The following INPP5A variants were observed in gnomAD, a reference collection of about 807,000 sequenced individuals.
The protein encoded by INPP5A is inositol polyphosphate-5-phosphatase A.
In INPP5A, 14 loss-of-function variants were observed where a neutral mutation model predicts 65.2. The observed-to-expected ratio is 0.21, with a 90% CI of 0.14 to 0.34. The LOEUF (loss-of-function observed/expected upper bound fraction) is 0.34, where lower values mean the gene tolerates loss of function less well. Among genes scored for constraint, INPP5A ranks in the 10% least tolerant of loss-of-function variants. The pLI is 1.00. For missense variants in INPP5A, 431 were observed against 545.6 expected (o/e 0.79, Z 2.09); for synonymous variants, 207 against 208.3 (o/e 0.99, Z 0.05).
chr10:132,537,914 A>C lies in INPP5A; in HGVS notation c.-183A>C. The C allele has an allele frequency of 1.4e-5, 3 of 207,396 alleles. No individual in the cohort carries two copies. The highest frequency in any genetic ancestry group is 6.1e-5 in the Admixed American group (1 of 16,330). 12.8% of individuals were successfully genotyped at this position (207,396 alleles called of 1,614,324 possible). On this transcript the variant is annotated 5_prime_UTR_variant, in exon 1 of 16. Transcript: ENST00000368594. The stretch of plus-strand genomic sequence containing the variant: ...GGGGCCGCGGAGCAGCGAGCGAGCG[A>C]GCGAGCGCGAGGCCGGAGCCCCGGC...
chr10:132,596,178 G>C (rs1564928445), intron 1 of INPP5A, among the ~76,000 whole-genome samples: 1 of 152,168 alleles, frequency 6.6e-6, no homozygotes, highest in East Asian at 1.9e-4. Context: ...TCCTGGGAAA[G>C]GGTTCAGTCT....
chr10:132,557,800 G>A (rs4880267), intron 1 of INPP5A, among the ~76,000 whole-genome samples: 29,927 of 152,144 alleles, frequency 0.2, 3,915 homozygotes, highest in East Asian at 0.44. Context: ...GGGCCTGGGC[G>A]GGGAGGGCCA....
intron 5 of INPP5A, among the ~76,000 whole-genome samples, chr10:132,694,095 C>G (rs1845310183): frequency 6.6e-6 from 1 of 152,186 alleles, no homozygotes. Flanking sequence ...TCAAGCTCGC[C>G]TGGAACATTC....
At chr10:132,747,692 A>G (rs931241990) in intron 9 of INPP5A, among the ~76,000 whole-genome samples, 1 of 152,238 alleles carries the variant, frequency 6.6e-6, no homozygotes, top group Non-Finnish European at 1.5e-5. Context: ...TTTTAAAGCC[A>G]AAGTTACTTT....
chr10:132,723,158 G>A (rs1845916963), intron 8 of INPP5A, among the ~76,000 whole-genome samples: 1 of 152,224 alleles, frequency 6.6e-6, no homozygotes, highest in Non-Finnish European at 1.5e-5. Context: ...ACGATGACGC[G>A]GCGTCTCCAG....
At chr10:132,685,719 C>G (rs193240359) in intron 4 of INPP5A, among the ~76,000 whole-genome samples, 165 of 152,326 alleles carry the variant, frequency 1.1e-3, no homozygotes, top group African/African-American at 3.8e-3. Context: ...GGAGGTGGGA[C>G]CCTGCTCAAC....
At chr10:132,714,419 G>A (rs1329368998) in intron 8 of INPP5A, among the ~76,000 whole-genome samples, 1 of 152,222 alleles carries the variant, frequency 6.6e-6, no homozygotes, top group Non-Finnish European at 1.5e-5. Context: ...AATGCCGCGC[G>A]GCCTCTGAAT....
chr10:132,741,937 A>G lies in INPP5A; in HGVS notation c.733-7580A>G, dbSNP rs1846280574. 6.6e-6 allele frequency among the ~76,000 whole-genome samples: 1 copy of G among 152,146 alleles called. No individual in the cohort carries two copies. Among genetic ancestry groups the G allele is most frequent in the Non-Finnish European group, 1.5e-5 (1 of 68,038 alleles). On this transcript the variant is annotated intron_variant, in intron 9 of 15. Transcript: ENST00000368594. The surrounding 1 kb of genome is among the most constrained non-coding windows in gnomAD (Gnocchi z 4.4). Reference sequence around the variant, plus strand: ...GCCGTCCTCTGCAGAAAGGATGCATACTTACAGAGAAGGCGCTCACTCCTG... The same window carrying G: ...GCCGTCCTCTGCAGAAAGGATGCATGCTTACAGAGAAGGCGCTCACTCCTG...
At chr10:132,562,249 G>C (rs1280825756) in intron 1 of INPP5A, among the ~76,000 whole-genome samples, 1 of 152,248 alleles carries the variant, frequency 6.6e-6, no homozygotes, top group Non-Finnish European at 1.5e-5. Context: ...TCCAGGGCTT[G>C]ATACGGCTGG....
Position 132,759,515 on chromosome 10 carries a change from G to A in INPP5A, c.904-6258G>A, listed in dbSNP as rs569575030. ...CAACAGGCGTTAGGGGCTGCCTGGG[G>A]CTTCGCTCGCTGCTGTGCTGTGGTA... On this transcript the variant is annotated intron_variant, in intron 11 of 15. Transcript: ENST00000368594. Among the ~76,000 whole-genome samples, 5 of 152,338 alleles carry A rather than the reference G, an allele frequency of 3.3e-5. No individual in the cohort carries two copies. The East Asian group carries it at 7.7e-4, about 23-fold the overall frequency.
At chr10:132,579,828 G>A (rs1380443535) in intron 1 of INPP5A, among the ~76,000 whole-genome samples, 2 of 151,962 alleles carry the variant, frequency 1.3e-5, no homozygotes, top group Admixed American at 6.5e-5. Flanking sequence ...CCCCTGCTTC[G>A]TCATCCACCT....
At chr10:132,750,360 T>C (rs1032618700) in intron 11 of INPP5A, among the ~76,000 whole-genome samples, 8 of 152,194 alleles carry the variant, frequency 5.3e-5, no homozygotes, top group Non-Finnish European at 1.0e-4. Context: ...TGTATGTCCA[T>C]GAGCACGTGT....
At chr10:132,772,572 ACGAGGAG>A (rs1846974317) in intron 12 of INPP5A, among the ~76,000 whole-genome samples, 5 of 101,084 alleles carry the variant, frequency 4.9e-5, no homozygotes, top group Admixed American at 1.8e-4. Context: ...CAGCCACCCC[ACGAGGAG>A]TGGGACAGAC....
At chr10:132,631,445 G>A (rs985629116) in intron 2 of INPP5A, among the ~76,000 whole-genome samples, 2 of 152,218 alleles carry the variant, frequency 1.3e-5, no homozygotes, top group African/African-American at 4.8e-5. Flanking sequence ...TCCAGGCGTC[G>A]TTGGCAAGTA....
chr10:132,780,779 C>A, intron 13 of INPP5A, 70 bp from the exon 14 acceptor site: 2 of 1,227,748 alleles, frequency 1.6e-6, no homozygotes, highest in Non-Finnish European at 1.2e-6. Flanking sequence ...GATGTTCCTG[C>A]CAGTCAGCTC....
chr10:132,708,438 T>C (rs776073791), intron 7 of INPP5A, 73 bp downstream of exon 7: 23 of 1,403,306 alleles, frequency 1.6e-5, no homozygotes, highest in Non-Finnish European at 2.3e-5. Context: ...AGCGGCATGT[T>C]CCACACACCT....
At chr10:132,632,596 C>A (rs11146442) in intron 2 of INPP5A, among the ~76,000 whole-genome samples, 11,662 of 152,278 alleles carry the variant, frequency 0.077, 621 homozygotes, top group Non-Finnish European at 0.11. Context: ...GCCCACACTT[C>A]CACCCACCAC....
intron 9 of INPP5A, among the ~76,000 whole-genome samples, chr10:132,729,641 A>T (rs1846047267): frequency 6.6e-6 from 1 of 152,186 alleles, no homozygotes; most frequent in Non-Finnish European, 1.5e-5. Context: ...GCTGTCGCTA[A>T]AGGAGCCCTC....
At chr10:132,597,938 G>T (rs992875454) in intron 1 of INPP5A, among the ~76,000 whole-genome samples, 8 of 152,122 alleles carry the variant, frequency 5.3e-5, no homozygotes, top group African/African-American at 1.9e-4. Flanking sequence ...GCGGGGCTGT[G>T]CTACGCGTAG....
Sources: allele counts gnomAD v4.1 joint callset (sites outside exome capture counted in the v4.1 genomes callset), GRCh38; gene constraint gnomAD v4.1.1; non-coding constraint Gnocchi (gnomAD v3.1); transcripts MANE v1.5; gene names NCBI Gene and HGNC (gene_info 2026-07-23, HGNC 2026-07-21).